ZNF521: variants seen among roughly 807,000 people sequenced by gnomAD.
ZNF521 encodes zinc finger protein 521, also known as LYST-interacting protein 3.
Under a neutral mutation model 105.5 loss-of-function variants are expected in ZNF521, and 14 were observed. That is an observed-to-expected ratio of 0.13 (90% CI 0.09 to 0.21). The LOEUF (loss-of-function observed/expected upper bound fraction) is 0.21, where lower values mean the gene tolerates loss of function less well. Among genes scored for constraint, ZNF521 ranks in the 10% least tolerant of loss-of-function variants. The pLI is 1.00. For synonymous variants in ZNF521, 635 were observed against 606.0 expected (o/e 1.05, Z -0.70); for missense variants, 1,233 against 1,629.7 (o/e 0.76, Z 4.19).
intron 2 of ZNF521, among the ~76,000 whole-genome samples, chr18:25,331,183 C>A (rs913490619): frequency 1.3e-5 from 2 of 152,200 alleles, no homozygotes; most frequent in African/African-American, 4.8e-5. Flanking sequence ...TTCTGTAGTT[C>A]CATGCTCAAT....
chr18:25,210,389 C>A (rs2144682219), intron 4 of ZNF521, among the ~76,000 whole-genome samples: 1 of 152,246 alleles, frequency 6.6e-6, no homozygotes, highest in South Asian at 2.1e-4. Context: ...ACTCCCCATG[C>A]CCACAGCAGC....
chr18:25,220,553 G>A (rs1471612494), intron 4 of ZNF521, among the ~76,000 whole-genome samples: 1 of 152,066 alleles, frequency 6.6e-6, no homozygotes, highest in Non-Finnish European at 1.5e-5. Context: ...CTATTTACCC[G>A]CCCCTGTTTT....
intron 2 of ZNF521, among the ~76,000 whole-genome samples, chr18:25,338,511 C>T (rs1445213370): frequency 6.6e-6 from 1 of 152,008 alleles, no homozygotes; most frequent in Non-Finnish European, 1.5e-5. Context: ...CTCCCAGGCT[C>T]AAGTGATCTT....
At chr18:25,217,412 G>C (rs925906571) in intron 4 of ZNF521, among the ~76,000 whole-genome samples, 1 of 152,178 alleles carries the variant, frequency 6.6e-6, no homozygotes, top group African/African-American at 2.4e-5. Context: ...AGAGAAAAGA[G>C]GAATGAGGAA....
chr18:25,103,788 A>AAGGG (rs1422987033), intron 5 of ZNF521, among the ~76,000 whole-genome samples: 2 of 21,326 alleles, frequency 9.4e-5, no homozygotes, highest in African/African-American at 2.7e-4. Context: ...GGGTGAGAGG[A>AAGGG]AGGAAGGGAG....
At chr18:25,119,110 A>C (rs1415935838) in intron 5 of ZNF521, among the ~76,000 whole-genome samples, 1 of 152,182 alleles carries the variant, frequency 6.6e-6, no homozygotes, top group Non-Finnish European at 1.5e-5. Context: ...AAAATATATA[A>C]GGCAAAAACG....
At chr18:25,113,989 CTT>C (rs67508928) in intron 5 of ZNF521, among the ~76,000 whole-genome samples, 1 of 150,266 alleles carries the variant, frequency 6.7e-6, no homozygotes, top group Non-Finnish European at 1.5e-5. Context: ...ATAAAAAAGC[CTT>C]TTTTTTTTGT....
intron 5 of ZNF521, chr18:25,136,768 T>G (rs2034742366): frequency 6.6e-6 from 1 of 152,186 alleles, no homozygotes; most frequent in African/African-American, 2.4e-5. Flanking sequence ...ATTATTTCAT[T>G]CCATTAGATT....
chr18:25,168,380 T>C (rs2035386138), intron 5 of ZNF521, among the ~76,000 whole-genome samples: 1 of 152,124 alleles, frequency 6.6e-6, no homozygotes, highest in South Asian at 2.1e-4. Flanking sequence ...TCTTCAACCC[T>C]TTTCTCCCGG....
intron 5 of ZNF521, among the ~76,000 whole-genome samples, chr18:25,147,170 C>T (rs2034960538): frequency 6.6e-6 from 1 of 152,026 alleles, no homozygotes; most frequent in Non-Finnish European, 1.5e-5. Context: ...ACAAATCAGT[C>T]AACAAATGCC....
chr18:25,168,204 A>G (rs2035381735), intron 5 of ZNF521, among the ~76,000 whole-genome samples: 4 of 152,070 alleles, frequency 2.6e-5, no homozygotes, highest in African/African-American at 9.7e-5. Flanking sequence ...AGTTCCACAT[A>G]TGGTAAAGTC....
chr18:25,245,522 T>C (rs1907645509), intron 3 of ZNF521, among the ~76,000 whole-genome samples: 1 of 152,208 alleles, frequency 6.6e-6, no homozygotes, highest in Non-Finnish European at 1.5e-5. Context: ...GGTGGCTTAC[T>C]TGAGACAAAA....
At position 25,090,541 on chromosome 18, in the gene ZNF521, A is replaced by G. The variant is rs973090635; in HGVS notation, c.3791-961T>C. ...TTGGAAGCATTTTTTAAAAATTGTT[A>G]TTTCTAAATTACTTCAAGATACGCT... On this transcript the variant is annotated intron_variant, in intron 6 of 7. Transcript: ENST00000361524. 3.9e-5 allele frequency among the ~76,000 whole-genome samples: 6 copies of G among 152,154 alleles called. No individual in the cohort carries two copies. In the East Asian group the frequency reaches 1.2e-3, roughly 29 times the overall value.
intron 4 of ZNF521, among the ~76,000 whole-genome samples, chr18:25,218,148 G>A (rs1327356937): frequency 2.6e-5 from 4 of 152,292 alleles, no homozygotes; most frequent in South Asian, 2.1e-4. Flanking sequence ...CTATGGGGAT[G>A]GAGGAGCAGA....
chr18:25,333,761 T>A (rs1913722074), intron 2 of ZNF521, among the ~76,000 whole-genome samples: 1 of 152,200 alleles, frequency 6.6e-6, no homozygotes. Flanking sequence ...AATTTCAGGA[T>A]GGTAAAGTGC....
intron 5 of ZNF521, among the ~76,000 whole-genome samples, chr18:25,102,580 A>C (rs1002167827): frequency 2.6e-5 from 4 of 152,008 alleles, no homozygotes; most frequent in Non-Finnish European, 4.4e-5. Context: ...AGGCTAGAGT[A>C]CAGTATATGT....
chr18:25,185,537 AG>A (rs2035706539), intron 5 of ZNF521, among the ~76,000 whole-genome samples: 1 of 152,170 alleles, frequency 6.6e-6, no homozygotes, highest in African/African-American at 2.4e-5. Flanking sequence ...ATGGACCCCA[AG>A]GTGTAGTTGT....
intron 5 of ZNF521, among the ~76,000 whole-genome samples, chr18:25,166,195 TC>T (rs777949070): frequency 7.2e-5 from 11 of 152,362 alleles, no homozygotes; most frequent in Non-Finnish European, 1.6e-4. Context: ...GTTTTTCTAC[TC>T]TTTTTAATGA....
At chr18:25,147,722 T>G (rs1192909638) in intron 5 of ZNF521, among the ~76,000 whole-genome samples, 10 of 152,184 alleles carry the variant, frequency 6.6e-5, no homozygotes, top group Non-Finnish European at 1.3e-4. Context: ...TGATTCTGTT[T>G]TCTTTGATCC....
Sources: allele counts gnomAD v4.1 joint callset (sites outside exome capture counted in the v4.1 genomes callset), GRCh38; gene constraint gnomAD v4.1.1; transcripts MANE v1.5; gene names NCBI Gene and HGNC (gene_info 2026-07-23, HGNC 2026-07-21).